REEP1: variants seen among roughly 807,000 people sequenced by gnomAD.
The protein encoded by REEP1 is receptor expression-enhancing protein 1.
REEP1 carries 22 observed loss-of-function variants against 40.3 expected under a neutral mutation model. The observed-to-expected ratio is 0.55, with a 90% CI of 0.39 to 0.78. REEP1 has a LOEUF of 0.78. Among genes scored for constraint, REEP1 ranks in the 30% least tolerant of loss-of-function variants. The pLI is 0.00. For synonymous variants in REEP1, 116 were observed against 139.2 expected (o/e 0.83, Z 1.17); for missense variants, 280 against 361.1 (o/e 0.78, Z 1.82).
upstream of REEP1, chr2:86,338,062 C>T: frequency 6.5e-7 from 1 of 1,537,256 alleles, no homozygotes; most frequent in South Asian, 1.2e-5. Flanking sequence ...GTCCGTTGCT[C>T]AGCACTTTCT....
At chr2:86,281,358 A>G (rs899326715) in intron 2 of REEP1, among the ~76,000 whole-genome samples, 2 of 152,174 alleles carry the variant, frequency 1.3e-5, no homozygotes, top group African/African-American at 4.8e-5. Flanking sequence ...GGGGCCGGGC[A>G]CTGTGGCACG....
At chr2:86,258,911 G>A (rs1207800840) in intron 3 of REEP1, among the ~76,000 whole-genome samples, 1 of 152,164 alleles carries the variant, frequency 6.6e-6, no homozygotes, top group African/African-American at 2.4e-5. Flanking sequence ...GGACAGATGT[G>A]TTCTAAGAGG....
intron 1 of REEP1, among the ~76,000 whole-genome samples, chr2:86,290,891 T>C (rs1678660783): frequency 6.6e-6 from 1 of 152,152 alleles, no homozygotes; most frequent in African/African-American, 2.4e-5. Context: ...TTACTCACAG[T>C]GACTTTCTAA....
chr2:86,225,751 C>G (rs558266829), intron 7 of REEP1, among the ~76,000 whole-genome samples: 206 of 152,344 alleles, frequency 1.4e-3, no homozygotes, highest in African/African-American at 4.6e-3. Flanking sequence ...CTATATTAGG[C>G]ACCTTGCGTG....
intron 5 of REEP1, among the ~76,000 whole-genome samples, chr2:86,249,716 G>A (rs1676164307): frequency 6.6e-6 from 1 of 152,188 alleles, no homozygotes; most frequent in Admixed American, 6.5e-5. Context: ...AAGGCCTGAA[G>A]TGATCCACTG....
At chr2:86,267,370 C>T (rs1026251169) in intron 2 of REEP1, among the ~76,000 whole-genome samples, 2 of 152,180 alleles carry the variant, frequency 1.3e-5, no homozygotes, top group Non-Finnish European at 2.9e-5. Context: ...GCCTGCTTCC[C>T]CTTCACGTTC....
chr2:86,246,826 C>T (rs184580318), intron 5 of REEP1, among the ~76,000 whole-genome samples: 12 of 151,844 alleles, frequency 7.9e-5, no homozygotes, highest in Admixed American at 2.0e-4. Context: ...CTCAGCCTTC[C>T]GAGTAGCTAG....
intron 3 of REEP1, among the ~76,000 whole-genome samples, chr2:86,258,803 C>T (rs747313744): frequency 3.9e-5 from 6 of 152,198 alleles, no homozygotes; most frequent in Admixed American, 6.5e-5. Context: ...GCACCCACCA[C>T]ATTTCCTCCA....
intron 1 of REEP1, among the ~76,000 whole-genome samples, chr2:86,322,600 G>A (rs1004768279): frequency 1.4e-4 from 21 of 151,982 alleles, no homozygotes; most frequent in East Asian, 9.7e-4. Context: ...ACAGGTGTGT[G>A]CCACCATGCC....
At chr2:86,282,957 C>T (rs899693023) in intron 1 of REEP1, among the ~76,000 whole-genome samples, 2 of 152,126 alleles carry the variant, frequency 1.3e-5, no homozygotes, top group African/African-American at 4.8e-5. Context: ...GCACTATCCC[C>T]CACCCAGAAA....
At chr2:86,228,579 C>T (rs112115543) in intron 6 of REEP1, among the ~76,000 whole-genome samples, 4,865 of 152,136 alleles carry the variant, frequency 0.032, 177 homozygotes, top group East Asian at 0.21. Context: ...CAGCCTCAGC[C>T]TCCCGAGTAG....
At chr2:86,306,316 G>A (rs1345920547) in intron 1 of REEP1, among the ~76,000 whole-genome samples, 1 of 129,518 alleles carries the variant, frequency 7.7e-6, no homozygotes, top group African/African-American at 3.5e-5. Flanking sequence ...TCTCTCTTCT[G>A]TGAGACCTTC....
In REEP1 at chr2:86,241,750, G is replaced by A. The variant is rs1675676634; in HGVS notation, c.418-8948C>T. 3.9e-5 allele frequency among the ~76,000 whole-genome samples: 6 copies of A among 152,328 alleles called. No individual in the cohort carries two copies. In the South Asian group the frequency reaches 1.2e-3, roughly 32 times the overall value. On this transcript the variant is annotated intron_variant, in intron 5 of 8. Coordinates refer to ENST00000538924, the MANE Select transcript of REEP1 (RefSeq NM_001371279.1). ...GCTTGGTTTCCTCCCTGAAGTGAGG[G>A]TTCCAGCTGCTCCAGCAGCCCACGT...
At position 86,251,952 on chromosome 2, in the gene REEP1, A is replaced by T. The variant is rs748202872; in HGVS notation, c.417+5T>A. The T allele has an allele frequency of 1.2e-6, 2 of 1,605,332 alleles. No homozygotes were observed. Among genetic ancestry groups the T allele is most frequent in the Middle Eastern group, 1.8e-4 (1 of 5,590 alleles). ...CATGTAGTTGTGGTACTTCCAGCAC[A>T]GTACCTTGGAAGCAGCCATCACAGC... On this transcript the variant is annotated splice_donor_5th_base_variant and intron_variant, in intron 5 of 8. Coordinates refer to ENST00000538924, the MANE Select transcript of REEP1 (RefSeq NM_001371279.1).
chr2:86,310,666 G>A (rs1679718655), intron 1 of REEP1, among the ~76,000 whole-genome samples: 1 of 151,968 alleles, frequency 6.6e-6, no homozygotes, highest in Non-Finnish European at 1.5e-5. Flanking sequence ...TTTCCTAGAT[G>A]AGGAAAATTA....
intron 1 of REEP1, among the ~76,000 whole-genome samples, chr2:86,285,535 T>G (rs1029733252): frequency 6.6e-6 from 1 of 152,198 alleles, no homozygotes; most frequent in Non-Finnish European, 1.5e-5. Context: ...ACTACCCCAT[T>G]TTACAGACTG....
rs1484125168 is a variant in REEP1, at chr2:86,337,609, G to A, written c.-99C>T. ...GTTCCCGGAACGTCAGTCAGCTCAC[G>A]GCAGCCGCCGCCAGACTGAGCGCGC... On this transcript the variant is annotated 5_prime_UTR_variant, in exon 1 of 9. Coordinates refer to ENST00000538924, the MANE Select transcript of REEP1 (RefSeq NM_001371279.1). This position sits in a 1 kb window ranked among gnomAD's most constrained non-coding sequence, Gnocchi z 5.8. 2 of 1,133,586 alleles carry A rather than the reference G, an allele frequency of 1.8e-6. No individual in the cohort carries two copies. Among genetic ancestry groups the A allele is most frequent in the African/African-American group, 3.3e-5 (2 of 60,486 alleles). 70.2% of individuals were successfully genotyped at this position (1,133,586 alleles called of 1,614,324 possible).
intron 1 of REEP1, among the ~76,000 whole-genome samples, chr2:86,294,067 C>T (rs1678858113): frequency 6.6e-6 from 1 of 152,106 alleles, no homozygotes; most frequent in Admixed American, 6.5e-5. Context: ...GTGGACTACT[C>T]TAGATAACTC....
chr2:86,228,740 G>T (rs984657856), intron 6 of REEP1, among the ~76,000 whole-genome samples: 4 of 152,186 alleles, frequency 2.6e-5, no homozygotes, highest in Non-Finnish European at 5.9e-5. Context: ...TTACAGGCGT[G>T]AGTCACCGCG....
Sources: gnomAD v4.1 joint callset for allele counts (sites outside exome capture counted in the v4.1 genomes callset) on GRCh38, gnomAD v4.1.1 for gene constraint, Gnocchi (gnomAD v3.1) non-coding constraint, MANE v1.5 for transcripts, NCBI Gene and HGNC (gene_info 2026-07-23, HGNC 2026-07-21) for gene names.